HNRNPM: variants seen among roughly 807,000 people sequenced by gnomAD.
HNRNPM encodes the protein heterogeneous nuclear ribonucleoprotein M.
HNRNPM carries 11 observed loss-of-function variants against 73.1 expected under a neutral mutation model. That is an observed-to-expected ratio of 0.15 (90% CI 0.09 to 0.25). HNRNPM has a LOEUF of 0.25. Among genes scored for constraint, HNRNPM ranks in the 10% least tolerant of loss-of-function variants. The pLI is 1.00. For missense variants in HNRNPM, 789 were observed against 1,067.9 expected, an observed-to-expected ratio of 0.74 and a Z score of 3.64; for synonymous variants, 407 against 355.2, an observed-to-expected ratio of 1.15 and a Z score of -1.64.
rs1171781663 is a variant in HNRNPM, at chr19:8,462,918, G to A, written c.336+337G>A. Among the ~76,000 whole-genome samples, 1 of 152,162 alleles carries A rather than the reference G, an allele frequency of 6.6e-6. No homozygotes were observed. Among genetic ancestry groups the A allele is most frequent in the African/African-American group, 2.4e-5 (1 of 41,426 alleles). ...CGGTGGTATAATTAATGTAAAACGT[G>A]TGTTCTTGTCTAGAAAATGTTACTC... On this transcript the variant is annotated intron_variant, in intron 3 of 15. Coordinates refer to ENST00000325495, the MANE Select transcript of HNRNPM (RefSeq NM_005968.5). This position sits in a 1 kb window ranked among gnomAD's most constrained non-coding sequence, Gnocchi z 4.5.
intron 1 of HNRNPM, among the ~76,000 whole-genome samples, chr19:8,452,478 TG>T (rs1253799792): frequency 6.6e-6 from 1 of 152,236 alleles, no homozygotes; most frequent in Non-Finnish European, 1.5e-5. Context: ...AGATTTTGTT[TG>T]GCAGACTTTG....
intron 1 of HNRNPM, among the ~76,000 whole-genome samples, chr19:8,447,543 G>A (rs998078167): frequency 6.6e-6 from 1 of 152,066 alleles, no homozygotes; most frequent in Non-Finnish European, 1.5e-5. Flanking sequence ...GGGAGGGGCA[G>A]GGAAGAGAGT....
chr19:8,473,841 C>T, intron 11 of HNRNPM, 133 bp downstream of exon 11: 2 of 660,240 alleles, frequency 3.0e-6, no homozygotes, highest in South Asian at 3.9e-5. Flanking sequence ...ATGACTTCCT[C>T]CTGCCTGTCC....
rs1404375121 is a variant in HNRNPM, at chr19:8,486,147, C to T, written c.1719C>T (p.Ala573=). ...GGATGGGCCTGGAGCGCATGGGCGC[C>T]AACAGCCTCGAGCGCATGGGCCTGG... The part of the protein sequence containing the change: ...LERMGLERMG[A]NSLERMGLER... Residue 573 remains alanine, a synonymous_variant, in exon 14 of 16, where the codon GCC becomes GCT. Transcript: ENST00000325495. 1.2e-6 allele frequency: 2 copies of T among 1,605,732 alleles called. No homozygotes were observed. The highest frequency in any genetic ancestry group is 1.3e-5 in the African/African-American group (1 of 74,922).
chr19:8,474,347 T>G (rs982289848), intron 12 of HNRNPM, 103 bp downstream of exon 12: 1 of 671,982 alleles, frequency 1.5e-6, no homozygotes, highest in African/African-American at 1.9e-5. Context: ...GTTTCTCACT[T>G]CTGCTTTTCA....
In HNRNPM at chr19:8,486,223, G is replaced by A; in HGVS notation, c.1795G>A (p.Ala599Thr). ...GCGCATGGGCCCTGCCATGGGCCCG[G>A]CCCTGGGCGCTGGCATTGAGCGCAT... Reference protein sequence around the residue: ...LERMGPAMGPALGAGIERMGL... With the variant: ...LERMGPAMGPTLGAGIERMGL... The change falls in exon 14 of 16, where the codon GCC (alanine) becomes ACC (threonine). Residue 599 changes from alanine to threonine, a missense_variant. This residue lies in a region of HNRNPM where 604 missense variants were observed against 744.0 expected (regional missense o/e 0.81). Coordinates refer to ENST00000325495, the MANE Select transcript of HNRNPM (RefSeq NM_005968.5). 6.3e-7 allele frequency: 1 copy of A among 1,590,776 alleles called. No homozygotes were observed.
intron 13 of HNRNPM, among the ~76,000 whole-genome samples, chr19:8,485,026 C>T (rs1305091024): frequency 6.6e-6 from 1 of 152,000 alleles, no homozygotes; most frequent in Non-Finnish European, 1.5e-5. Flanking sequence ...GAGGATCTCT[C>T]GGTGTGTGTT....
chr19:8,459,309 G>A (rs967979928), intron 2 of HNRNPM, among the ~76,000 whole-genome samples: 2 of 152,184 alleles, frequency 1.3e-5, no homozygotes, highest in Admixed American at 6.5e-5. Flanking sequence ...GGCTTACCCC[G>A]TGTGGTCTCT....
At position 8,482,068 on chromosome 19, in the gene HNRNPM, G is replaced by C. The variant is rs552782382; in HGVS notation, c.1121-1090G>C. 2.6e-3 allele frequency among the ~76,000 whole-genome samples: 393 copies of C among 149,676 alleles called. 2 individuals are homozygous for C. Among genetic ancestry groups the C allele is most frequent in the Non-Finnish European group, 4.7e-3 (317 of 67,628 alleles). On this transcript the variant is annotated intron_variant, in intron 12 of 15. Transcript: ENST00000325495. ...GCTCACTGCAACCTCTGCCTCCAGGGTTCAAGCGATTCTCCCGCCTCAGCC... is the reference window on the plus strand; with the variant it reads ...GCTCACTGCAACCTCTGCCTCCAGGCTTCAAGCGATTCTCCCGCCTCAGCC...
At chr19:8,465,274 T>G in intron 5 of HNRNPM, 50 bp from the exon 6 acceptor site, 2 of 1,406,398 alleles carry the variant, frequency 1.4e-6, no homozygotes, top group Non-Finnish European at 1.9e-6. Context: ...CAAGCATGGT[T>G]TGCGTTGTAC....
intron 1 of HNRNPM, among the ~76,000 whole-genome samples, chr19:8,451,916 C>T (rs997946529): frequency 6.6e-5 from 10 of 152,090 alleles, no homozygotes; most frequent in Admixed American, 6.5e-4. Flanking sequence ...TGGTAGATTT[C>T]CAAAAAGGTC....
rs144238086 is a variant in HNRNPM, at chr19:8,456,215, TCCAG to T, written c.283+644_283+647del. On this transcript the variant is annotated intron_variant, in intron 2 of 15. Transcript: ENST00000325495. ...ATTGTCATAGCCTAGGTGTCCACCT[TCCAG>T]CCGAGGGCAGGGGAAGCAGCCAAGC... 9.1e-3 allele frequency among the ~76,000 whole-genome samples: 1,392 copies of T among 152,342 alleles called. 18 individuals are homozygous for T. Among genetic ancestry groups the T allele is most frequent in the African/African-American group, 0.031 (1,297 of 41,586 alleles).
In HNRNPM at chr19:8,486,151, AGCCTCGAGCGCATGG is replaced by A. The variant is rs1971282915; in HGVS notation, c.1728_1742del (p.Leu581_Gly585del). 5 of 1,602,960 alleles carry A rather than the reference AGCCTCGAGCGCATGG, an allele frequency of 3.1e-6. No individual in the cohort carries two copies. Among genetic ancestry groups the A allele is most frequent in the South Asian group, 1.1e-5 (1 of 90,894 alleles). ...GGGCCTGGAGCGCATGGGCGCCAAC[AGCCTCGAGCGCATGG>A]GCCTGGAGCGCATGGGTGCCAACAG... is the stretch of plus-strand genomic sequence containing the variant. On this transcript the variant is annotated inframe_deletion, in exon 14 of 16. Transcript: ENST00000325495.
At chr19:8,487,963 C>A (rs558677758) in intron 15 of HNRNPM, 118 of 152,526 alleles carry the variant, frequency 7.7e-4, no homozygotes, top group Non-Finnish European at 1.5e-3. Flanking sequence ...CTCACAAGCC[C>A]CTTGAAGACC....
chr19:8,470,778 G>T (rs138775888), intron 9 of HNRNPM, among the ~76,000 whole-genome samples: 77 of 152,338 alleles, frequency 5.1e-4, no homozygotes, highest in South Asian at 3.7e-3. Context: ...ATGGAGTTGA[G>T]TGTGGGCTGG....
chr19:8,471,578 G>T, intron 10 of HNRNPM, 151 bp downstream of exon 10: 1 of 447,326 alleles, frequency 2.2e-6, no homozygotes, highest in Non-Finnish European at 4.0e-6. Flanking sequence ...TTTGAATAAA[G>T]GCAGTATTTT....
In HNRNPM at chr19:8,456,155, G is replaced by A. The variant is rs1969008253; in HGVS notation, c.283+581G>A. Among the ~76,000 whole-genome samples, 5 of 152,210 alleles carry A rather than the reference G, an allele frequency of 3.3e-5. No homozygotes were observed. The South Asian group carries it at 1.0e-3, about 32-fold the overall frequency. On this transcript the variant is annotated intron_variant, in intron 2 of 15. Transcript: ENST00000325495. ...TGGCCATTGGAGAGCTCAAAATAAG[G>A]TATCTGCTTTGTAACGCGGTGCCTT...
chr19:8,452,165 A>T (rs74575282), intron 1 of HNRNPM, among the ~76,000 whole-genome samples: 6,113 of 152,288 alleles, frequency 0.04, 275 homozygotes, highest in African/African-American at 0.11. Context: ...CACCTGTGGA[A>T]TATAGGTTAG....
At chr19:8,479,164 C>T (rs1015014491) in intron 12 of HNRNPM, among the ~76,000 whole-genome samples, 5 of 141,846 alleles carry the variant, frequency 3.5e-5, no homozygotes, top group South Asian at 2.3e-4. Flanking sequence ...CAGCTCACTG[C>T]GGCCTCCACC....
Sources: gnomAD v4.1 joint callset for allele counts (sites outside exome capture counted in the v4.1 genomes callset) on GRCh38, gnomAD v4.1.1 for gene constraint, gnomAD v4.1.1 regional missense constraint, Gnocchi (gnomAD v3.1) non-coding constraint, MANE v1.5 for transcripts, NCBI Gene and HGNC (gene_info 2026-07-23, HGNC 2026-07-21) for gene names.